PPTC7: variants seen among roughly 807,000 people sequenced by gnomAD.
The protein encoded by PPTC7 is protein phosphatase PTC7 homolog.
A neutral mutation model predicts 30.8 loss-of-function variants in PPTC7; 6 were observed. That is an observed-to-expected ratio of 0.19 (90% CI 0.11 to 0.38). The LOEUF (loss-of-function observed/expected upper bound fraction) is 0.38. Among genes scored for constraint, PPTC7 ranks in the 10% least tolerant of loss-of-function variants. The pLI is 1.00. For synonymous variants in PPTC7, 163 were observed against 168.1 expected (o/e 0.97, Z 0.23); for missense variants, 218 against 404.8 (o/e 0.54, Z 3.96).
intron 1 of PPTC7, 79 bp from the exon 2 acceptor site, chr12:110,552,047 CAGTT>C: frequency 1.7e-6 from 2 of 1,185,280 alleles, no homozygotes; most frequent in Non-Finnish European, 2.4e-6. Context: ...TTTCTCCTAA[CAGTT>C]AATTTCACTA....
rs2064655656 is a variant in PPTC7 at position 110,583,226 on chromosome 12, C to T, written c.-195G>A. On this transcript the variant is annotated 5_prime_UTR_variant, in exon 1 of 6. Transcript: ENST00000354300. ...TCAGCCGCGCGCACCGGAGCCAGAG[C>T]GAGGTCAGAAGCGGCGGCTCCTCCG... 5.1e-6 allele frequency: 1 copy of T among 196,792 alleles called. No homozygotes were observed. The allele number at this position is 196,792 out of a possible 1,614,324, so 12.2% of individuals were successfully genotyped here.
intron 1 of PPTC7, among the ~76,000 whole-genome samples, chr12:110,555,234 G>A (rs1012892368): frequency 6.6e-6 from 1 of 152,224 alleles, no homozygotes; most frequent in African/African-American, 2.4e-5. Context: ...GCAACAAATA[G>A]TGTATCACCA....
At chr12:110,541,200 G>A (rs1201816492) in intron 3 of PPTC7, among the ~76,000 whole-genome samples, 4 of 148,392 alleles carry the variant, frequency 2.7e-5, no homozygotes, top group African/African-American at 2.5e-5. Context: ...TGACCAACAC[G>A]GTGAAACCCC....
At position 110,582,939 on chromosome 12, in the gene PPTC7, G is replaced by A; in HGVS notation, c.93C>T (p.Gly31=). ...CGGCCGTCACCAGTCCGTAGTCGCC[G>A]CCGCCGCCGCCGCCGGCCCTGGGGT... ...QTDPRAGGGG[G]GDYGLVTAGC... The change falls in exon 1 of 6, where the codon GGC becomes GGT. Residue 31 remains glycine (G), a synonymous_variant. Coordinates refer to ENST00000354300, the MANE Select transcript of PPTC7 (RefSeq NM_139283.2). The A allele has an allele frequency of 6.6e-7, 1 of 1,523,540 alleles. No individual in the cohort carries two copies. Among genetic ancestry groups the A allele is most frequent in the Non-Finnish European group, 8.9e-7 (1 of 1,125,918 alleles). The allele number at this position is 1,523,540 out of a possible 1,614,324, so 94.4% of individuals were successfully genotyped here.
intron 1 of PPTC7, among the ~76,000 whole-genome samples, chr12:110,555,553 G>A (rs1192426015): frequency 6.6e-6 from 1 of 152,220 alleles, no homozygotes; most frequent in Admixed American, 6.5e-5. Context: ...TTTGCCTGCT[G>A]TGTGGAGAGC....
chr12:110,547,777 C>G (rs2064319941), intron 2 of PPTC7, among the ~76,000 whole-genome samples: 1 of 152,168 alleles, frequency 6.6e-6, no homozygotes, highest in Non-Finnish European at 1.5e-5. Context: ...CATGGCAAGT[C>G]ACTTATTCTC....
chr12:110,563,240 C>T (rs1328515951), intron 1 of PPTC7, among the ~76,000 whole-genome samples: 1 of 149,324 alleles, frequency 6.7e-6, no homozygotes, highest in Admixed American at 6.7e-5. Context: ...ACGTCAAGAA[C>T]AAGATCTCTA....
Position 110,571,762 on chromosome 12 carries a change from T to C in PPTC7, c.223+11047A>G, listed in dbSNP as rs141147780. Among the ~76,000 whole-genome samples, 903 of 152,292 alleles carry C rather than the reference T, an allele frequency of 5.9e-3. 3 individuals carry two copies. The highest frequency in any genetic ancestry group is 0.021 in the African/African-American group (864 of 41,562). On this transcript the variant is annotated intron_variant, in intron 1 of 5. Transcript: ENST00000354300. ...TACTAACCTTGTTATTCAAAGACCA[T>C]TGATTGTTTGGTGAATTGTGTATTG...
At chr12:110,545,479 A>T (rs752627617) in intron 3 of PPTC7, among the ~76,000 whole-genome samples, 8 of 152,228 alleles carry the variant, frequency 5.3e-5, no homozygotes, top group Non-Finnish European at 1.0e-4. Flanking sequence ...TTACTCCAAT[A>T]AATAACGCAG....
At chr12:110,575,279 T>G (rs1295788678) in intron 1 of PPTC7, among the ~76,000 whole-genome samples, 1 of 152,134 alleles carries the variant, frequency 6.6e-6, no homozygotes. Flanking sequence ...AAGTCAAATT[T>G]CTTTAGAAAT....
At chr12:110,566,782 G>T (rs1434306895) in intron 1 of PPTC7, among the ~76,000 whole-genome samples, 2 of 152,106 alleles carry the variant, frequency 1.3e-5, no homozygotes, top group East Asian at 3.9e-4. Flanking sequence ...AGTCCATTCA[G>T]CTCTTTCAGT....
intron 1 of PPTC7, among the ~76,000 whole-genome samples, chr12:110,561,513 G>A (rs944607832): frequency 1.4e-4 from 22 of 152,012 alleles, no homozygotes; most frequent in Middle Eastern, 3.2e-3. Flanking sequence ...ATGGGGTTTC[G>A]CCATGTTGGC....
chr12:110,553,291 A>C (rs187804332), intron 1 of PPTC7, among the ~76,000 whole-genome samples: 38 of 151,632 alleles, frequency 2.5e-4, no homozygotes, highest in African/African-American at 8.9e-4. Flanking sequence ...CTGAGACTAC[A>C]GGTGCGTGCC....
intron 2 of PPTC7, among the ~76,000 whole-genome samples, chr12:110,547,452 C>T (rs760541039): frequency 2.6e-5 from 4 of 152,072 alleles, no homozygotes; most frequent in Non-Finnish European, 4.4e-5. Flanking sequence ...ATGTCAAACC[C>T]TTATAACAGA....
At chr12:110,542,673 C>CAAAAAAAAAAAAAAA (rs765332697) in intron 3 of PPTC7, among the ~76,000 whole-genome samples, 13 of 26,776 alleles carry the variant, frequency 4.9e-4, no homozygotes, top group Non-Finnish European at 6.4e-4. Context: ...GACTCTGTCT[C>CAAAAAAAAAAAAAAA]AAAAAAAAAA....
rs1469213467 is a variant in PPTC7 at position 110,535,751 on chromosome 12, A to ATC, written c.*1284_*1285dup. On this transcript the variant is annotated 3_prime_UTR_variant, in exon 6 of 6. Transcript: ENST00000354300. ...GAAAAAAACTGACCCAAAAATATAT[A>ATC]TCTTTACAGCAGTCAACTTGTACAC... 2 of 152,676 alleles carry ATC rather than the reference A, an allele frequency of 1.3e-5. No homozygotes were observed. The highest frequency in any genetic ancestry group is 2.9e-5 in the Non-Finnish European group (2 of 68,042). 9.5% of individuals were successfully genotyped at this position (152,676 alleles called of 1,614,324 possible).
intron 3 of PPTC7, among the ~76,000 whole-genome samples, chr12:110,545,241 C>T (rs1445822678): frequency 2.0e-5 from 3 of 152,082 alleles, no homozygotes; most frequent in African/African-American, 2.4e-5. Context: ...TACAGGCGCC[C>T]GCCATCACGC....
chr12:110,571,981 T>C (rs1228314097), intron 1 of PPTC7, among the ~76,000 whole-genome samples: 1 of 152,210 alleles, frequency 6.6e-6, no homozygotes, highest in Non-Finnish European at 1.5e-5. Context: ...ATAGCTTAAA[T>C]CTTATTTTCT....
intron 1 of PPTC7, among the ~76,000 whole-genome samples, chr12:110,565,983 C>G (rs1050685929): frequency 6.6e-6 from 1 of 152,194 alleles, no homozygotes. Flanking sequence ...GCTGACAAGA[C>G]AGGCATTTTG....
Sources: allele counts gnomAD v4.1 joint callset (sites outside exome capture counted in the v4.1 genomes callset), GRCh38; gene constraint gnomAD v4.1.1; transcripts MANE v1.5; gene names NCBI Gene and HGNC (gene_info 2026-07-23, HGNC 2026-07-21).